PMPCB: variants seen among roughly 807,000 people sequenced by gnomAD.
PMPCB encodes mitochondrial-processing peptidase subunit beta.
Under a neutral mutation model 61.5 loss-of-function variants are expected in PMPCB, and 46 were observed. The observed-to-expected ratio is 0.75, with a 90% CI of 0.59 to 0.96. The LOEUF (loss-of-function observed/expected upper bound fraction) is 0.96, where lower values mean the gene tolerates loss of function less well. Among genes scored for constraint, PMPCB ranks in the 40% least tolerant of loss-of-function variants. The pLI is 0.00. For synonymous variants in PMPCB, 191 were observed against 201.6 expected, an observed-to-expected ratio of 0.95 and a Z score of 0.44; for missense variants, 590 against 602.4, an observed-to-expected ratio of 0.98 and a Z score of 0.22.
At chr7:103,309,382 A>G (rs62482395) in intron 8 of PMPCB, 4,254 of 211,138 alleles carry the variant, frequency 0.02, 92 homozygotes, top group Non-Finnish European at 0.029. Flanking sequence ...TAGGCCCTCT[A>G]TATCTGTGGG....
Position 103,312,253 on chromosome 7 carries a change from G to A in PMPCB, c.1452G>A (p.Met484Ile), listed in dbSNP as rs767631338. 1.2e-6 allele frequency: 2 copies of A among 1,611,918 alleles called. No individual in the cohort carries two copies. The highest frequency in any genetic ancestry group is 1.7e-6 in the Non-Finnish European group (2 of 1,179,894). The change falls in exon 13 of 13, where the codon ATG becomes ATA. Residue 484 changes from methionine (M) to isoleucine (I), a missense_variant. Physicochemically the swap from Met to Ile is conservative, Grantham distance 10. Transcript: ENST00000249269. ...ATTTTAAACAGATACGCAGTAACAT[G>A]TGTTGGCTTCGTGATTAAAATGCTC... ...LPDFKQIRSN[M>I]CWLRD
the PMPCB span, among the ~76,000 whole-genome samples, chr7:103,346,968 A>G: frequency 6.6e-6 from 1 of 152,244 alleles, no homozygotes; most frequent in African/African-American, 2.4e-5. Context: ...TGGATGTACA[A>G]ATATCTCTTT....
At chr7:103,341,694 A>C in the PMPCB span, 3 of 1,278,092 alleles carry the variant, frequency 2.3e-6, no homozygotes, top group Non-Finnish European at 3.2e-6. Context: ...TTATTAATGG[A>C]AAACTCATAA....
downstream of PMPCB, among the ~76,000 whole-genome samples, chr7:103,332,952 T>A (rs1819033048): frequency 6.6e-6 from 1 of 152,220 alleles, no homozygotes; most frequent in South Asian, 2.1e-4. Context: ...GTTTTGAGTA[T>A]CCTGTATCTG....
At chr7:103,300,396 G>T (rs1586038888) in intron 4 of PMPCB, 89 bp downstream of exon 4, 1 of 1,062,920 alleles carries the variant, frequency 9.4e-7, no homozygotes, top group African/African-American at 1.6e-5. Flanking sequence ...TGTTGTAAAA[G>T]AGTAAGTTCC....
chr7:103,316,669 C>A (rs1270854107), downstream of PMPCB: 1 of 625,090 alleles, frequency 1.6e-6, no homozygotes, highest in African/African-American at 1.8e-5. Flanking sequence ...ATGGGTAAGA[C>A]TGACAGCTTC....
At chr7:103,346,674 T>C in the PMPCB span, among the ~76,000 whole-genome samples, 1 of 152,256 alleles carries the variant, frequency 6.6e-6, no homozygotes, top group Non-Finnish European at 1.5e-5. Context: ...CTTTAGGAAT[T>C]TGACACCTCT....
downstream of PMPCB, chr7:103,316,774 T>C: frequency 1.4e-6 from 2 of 1,412,712 alleles, no homozygotes; most frequent in South Asian, 1.2e-5. Flanking sequence ...GGAGTCTGTC[T>C]ACATTATCTC....
chr7:103,338,207 C>A, the PMPCB span, among the ~76,000 whole-genome samples: 1 of 149,918 alleles, frequency 6.7e-6, no homozygotes, highest in Non-Finnish European at 1.5e-5. Flanking sequence ...TAAGTAGAGG[C>A]TGCAGTGAGC....
downstream of PMPCB, among the ~76,000 whole-genome samples, chr7:103,330,964 A>ATTT (rs1040881184): frequency 7.2e-6 from 1 of 139,304 alleles, no homozygotes. Context: ...AACAAAATCC[A>ATTT]TTTTTTTTTT....
intron 4 of PMPCB, among the ~76,000 whole-genome samples, chr7:103,302,332 G>A (rs1298839140): frequency 1.3e-5 from 2 of 152,112 alleles, no homozygotes; most frequent in African/African-American, 2.4e-5. Flanking sequence ...ATGTATACTT[G>A]TAAGTTAAAT....
At position 103,322,422 on chromosome 7, in the gene PMPCB, GT is replaced by G. The variant is rs1232923857; in HGVS notation, c.*1432-6501del. ...CCCAATTCTCTGCTTTCGAATTATA[GT>G]TTTTTTTAAAAAAAGATGTGAAGAT... On this transcript the variant is annotated intron_variant and NMD_transcript_variant, in intron 12 of 12. Transcript: ENST00000444457. The G allele has an allele frequency of 7.9e-6, 10 of 1,263,738 alleles. No individual in the cohort carries two copies. In the Middle Eastern group the frequency reaches 6.1e-4, roughly 77 times the overall value. The allele number at this position is 1,263,738 out of a possible 1,614,324, so 78.3% of individuals were successfully genotyped here.
chr7:103,323,918 T>C (rs1818561961), intron 12 of PMPCB, among the ~76,000 whole-genome samples: 1 of 152,206 alleles, frequency 6.6e-6, no homozygotes, highest in South Asian at 2.1e-4. Context: ...CAAGACCTAT[T>C]TTTAAGTTTT....
At chr7:103,307,532 C>A in intron 6 of PMPCB, 64 bp from the exon 7 acceptor site, 1 of 928,804 alleles carries the variant, frequency 1.1e-6, no homozygotes, top group Non-Finnish European at 1.8e-6. Flanking sequence ...CATTATACCA[C>A]CTAGGGTTTA....
intron 6 of PMPCB, among the ~76,000 whole-genome samples, chr7:103,305,270 G>T (rs1312370767): frequency 6.6e-6 from 1 of 152,150 alleles, no homozygotes. Context: ...ATCCAAACAT[G>T]CAGGTGACTT....
downstream of PMPCB, among the ~76,000 whole-genome samples, chr7:103,333,256 C>A (rs1819043599): frequency 6.6e-6 from 1 of 152,184 alleles, no homozygotes; most frequent in Non-Finnish European, 1.5e-5. Flanking sequence ...TTTTAAACCT[C>A]TGAATTGAAT....
At chr7:103,324,748 GA>G (rs2115911423) in intron 12 of PMPCB, 1 of 427,592 alleles carries the variant, frequency 2.3e-6, no homozygotes. Flanking sequence ...GCAGGTGTGC[GA>G]AAAGTGAGGC....
At chr7:103,316,538 C>A (rs1203142038), downstream of PMPCB, 1 of 308,154 alleles carries the variant, frequency 3.2e-6, no homozygotes, top group Non-Finnish European at 5.9e-6. Context: ...TACAGAAAAC[C>A]TAATCCCTAG....
chr7:103,310,299 T>C lies in PMPCB; in HGVS notation c.994-16T>C, dbSNP rs1349748161. 2 of 1,605,094 alleles carry C rather than the reference T, an allele frequency of 1.2e-6. No homozygotes were observed. Among genetic ancestry groups the C allele is most frequent in the African/African-American group, 2.7e-5 (2 of 74,474 alleles). On this transcript the variant is annotated splice_polypyrimidine_tract_variant and intron_variant, in intron 8 of 12. Coordinates refer to ENST00000249269, the MANE Select transcript of PMPCB (RefSeq NM_004279.3). The stretch of plus-strand genomic sequence containing the variant: ...TGTATAATTAAAATTCTCTTGGAAT[T>C]TTTTTTTCCTTGCAGAATTTATCTA...
Sources: gnomAD v4.1 joint callset for allele counts (sites outside exome capture counted in the v4.1 genomes callset) on GRCh38, gnomAD v4.1.1 for gene constraint, MANE v1.5 for transcripts, NCBI Gene and HGNC (gene_info 2026-07-23, HGNC 2026-07-21) for gene names.